The following GRM7 variants were observed in gnomAD, a reference collection of about 807,000 sequenced individuals.
GRM7 encodes glutamate metabotropic receptor 7, also known as metabotropic glutamate receptor 7.
GRM7 carries 35 observed loss-of-function variants against 84.5 expected under a neutral mutation model. The ratio of observed to expected loss-of-function variants is 0.41; its 90% CI spans 0.32 to 0.55. The LOEUF (loss-of-function observed/expected upper bound fraction) is 0.55. GRM7 is among the 20% of genes least tolerant of loss of function. GRM7 has a pLI of 0.19. For missense variants in GRM7, 1,003 were observed against 1,194.6 expected (o/e 0.84, Z 2.36); for synonymous variants, 487 against 455.1 (o/e 1.07, Z -0.89).
chr3:7,269,566 T>C (rs9829398), intron 2 of GRM7, among the ~76,000 whole-genome samples: 63,056 of 152,044 alleles, frequency 0.41, 13,222 homozygotes, highest in East Asian at 0.55. Context: ...TGAAGGGCCA[T>C]GTACTACCTC....
At chr3:7,528,891 A>G (rs1700917689) in intron 7 of GRM7, among the ~76,000 whole-genome samples, 1 of 151,854 alleles carries the variant, frequency 6.6e-6, no homozygotes, top group African/African-American at 2.4e-5. Flanking sequence ...GCTTGGTATG[A>G]TTTAGTTTTT....
intron 1 of GRM7, among the ~76,000 whole-genome samples, chr3:7,069,095 A>G (rs1243659905): frequency 6.6e-6 from 1 of 151,478 alleles, no homozygotes; most frequent in Non-Finnish European, 1.5e-5. Context: ...TCTGGAATAC[A>G]TTGCAAGAAA....
At chr3:7,554,112 A>C (rs1199500079) in intron 7 of GRM7, among the ~76,000 whole-genome samples, 3 of 152,220 alleles carry the variant, frequency 2.0e-5, no homozygotes, top group Non-Finnish European at 4.4e-5. Context: ...GAACGTTGCT[A>C]GATCCAGAAA....
At chr3:7,498,759 A>G (rs61147916) in intron 7 of GRM7, among the ~76,000 whole-genome samples, 1,582 of 152,286 alleles carry the variant, frequency 0.01, 30 homozygotes, top group African/African-American at 0.036. Context: ...TTTTAGCTAT[A>G]AGAAGTTTTT....
intron 9 of GRM7, among the ~76,000 whole-genome samples, chr3:7,708,651 G>A (rs897259735): frequency 2.0e-5 from 3 of 152,098 alleles, no homozygotes; most frequent in African/African-American, 7.2e-5. Flanking sequence ...AGTTTTCCAG[G>A]AAGAGGGACA....
chr3:7,544,353 G>A (rs1443206747), intron 7 of GRM7, among the ~76,000 whole-genome samples: 3 of 151,896 alleles, frequency 2.0e-5, no homozygotes, highest in Non-Finnish European at 4.4e-5. Flanking sequence ...GAGAGATGAG[G>A]TCTTGCTATG....
chr3:6,984,576 C>CT (rs1222309503), intron 1 of GRM7, among the ~76,000 whole-genome samples: 1 of 152,000 alleles, frequency 6.6e-6, no homozygotes, highest in African/African-American at 2.4e-5. Context: ...TATGAATCAC[C>CT]TTTTTTTCTC....
chr3:7,164,540 C>A (rs1260019017), intron 2 of GRM7, among the ~76,000 whole-genome samples: 1 of 152,218 alleles, frequency 6.6e-6, no homozygotes, highest in Admixed American at 6.5e-5. Context: ...ATGTCTCTAA[C>A]TTCACCATTA....
intron 4 of GRM7, among the ~76,000 whole-genome samples, chr3:7,314,853 T>C (rs1700527360): frequency 6.6e-6 from 1 of 152,132 alleles, no homozygotes; most frequent in South Asian, 2.1e-4. Flanking sequence ...TGTTGTCAAA[T>C]CCTTGGCATT....
chr3:7,420,512 G>A (rs1482270426), intron 5 of GRM7, among the ~76,000 whole-genome samples: 1 of 152,056 alleles, frequency 6.6e-6, no homozygotes. Context: ...TTAAACAGAG[G>A]CTTGCCACAG....
chr3:7,655,386 A>C (rs1460296271), intron 8 of GRM7, among the ~76,000 whole-genome samples: 2 of 152,224 alleles, frequency 1.3e-5, no homozygotes, highest in African/African-American at 4.8e-5. Context: ...ATGTGGCTCT[A>C]TCCTTTAGGA....
chr3:7,208,671 C>A (rs759523162), intron 2 of GRM7, among the ~76,000 whole-genome samples: 1 of 152,056 alleles, frequency 6.6e-6, no homozygotes, highest in Non-Finnish European at 1.5e-5. Flanking sequence ...GGGGTTCAGA[C>A]CATCATGGGT....
At chr3:7,032,964 A>T (rs935448201) in intron 1 of GRM7, among the ~76,000 whole-genome samples, 14 of 152,156 alleles carry the variant, frequency 9.2e-5, no homozygotes, top group African/African-American at 3.1e-4. Flanking sequence ...AATCAACAAA[A>T]ACTGAGTAGA....
intron 4 of GRM7, among the ~76,000 whole-genome samples, chr3:7,354,907 C>T (rs907796061): frequency 6.6e-6 from 1 of 152,188 alleles, no homozygotes; most frequent in Non-Finnish European, 1.5e-5. Flanking sequence ...CTGTCCTACA[C>T]AGGGGTATAT....
chr3:7,262,408 T>C (rs1698466631), intron 2 of GRM7, among the ~76,000 whole-genome samples: 1 of 152,198 alleles, frequency 6.6e-6, no homozygotes, highest in South Asian at 2.1e-4. Context: ...ATACTTGTGA[T>C]TGCATTATGA....
intron 4 of GRM7, among the ~76,000 whole-genome samples, chr3:7,347,211 G>T (rs1485549499): frequency 2.0e-5 from 3 of 152,074 alleles, no homozygotes; most frequent in Non-Finnish European, 2.9e-5. Context: ...TTTAAATAGA[G>T]TGTTGTTACT....
chr3:7,586,293 A>G (rs759157721), intron 8 of GRM7, among the ~76,000 whole-genome samples: 1 of 152,194 alleles, frequency 6.6e-6, no homozygotes, highest in South Asian at 2.1e-4. Context: ...AATTAAACAT[A>G]TACCTAGCAT....
At chr3:7,283,206 T>G (rs1699314447) in intron 2 of GRM7, among the ~76,000 whole-genome samples, 1 of 152,150 alleles carries the variant, frequency 6.6e-6, no homozygotes, top group South Asian at 2.1e-4. Context: ...CACTGGACAC[T>G]TCCCAGCTGT....
chr3:7,203,534 G>A (rs1283963341), intron 2 of GRM7, among the ~76,000 whole-genome samples: 1 of 152,046 alleles, frequency 6.6e-6, no homozygotes, highest in Non-Finnish European at 1.5e-5. Context: ...TGGCTATTGT[G>A]AATAATGCTG....
Sources: allele counts gnomAD v4.1 joint callset (sites outside exome capture counted in the v4.1 genomes callset), GRCh38; gene constraint gnomAD v4.1.1; transcripts MANE v1.5; gene names NCBI Gene and HGNC (gene_info 2026-07-23, HGNC 2026-07-21).